SH3RF2: variants seen among roughly 807,000 people sequenced by gnomAD.
SH3RF2 encodes the protein SH3 domain containing ring finger 2.
SH3RF2 carries 43 observed loss-of-function variants against 59.0 expected under a neutral mutation model. The ratio of observed to expected loss-of-function variants is 0.73; its 90% CI spans 0.57 to 0.94. SH3RF2 has a LOEUF of 0.94. Ranked by LOEUF, SH3RF2 falls within the 40% of genes least tolerant of loss-of-function variation. The pLI, the probability that SH3RF2 is intolerant of heterozygous loss-of-function variation, is 0.00. For missense variants in SH3RF2, 930 were observed against 940.1 expected (o/e 0.99, Z 0.14); for synonymous variants, 391 against 391.5 (o/e 1.00, Z 0.01).
chr5:145,977,187 C>A (rs1759326800), intron 2 of SH3RF2, among the ~76,000 whole-genome samples: 1 of 152,208 alleles, frequency 6.6e-6, no homozygotes, highest in Non-Finnish European at 1.5e-5. Context: ...TTTTCTTAGG[C>A]CCGACTACCT....
chr5:146,057,231 A>G (rs540782519), intron 8 of SH3RF2, among the ~76,000 whole-genome samples: 5 of 152,204 alleles, frequency 3.3e-5, no homozygotes, highest in Non-Finnish European at 5.9e-5. Context: ...GAAAGCACAT[A>G]TCTTAGCTTC....
chr5:146,070,018 G>A (rs1229766170), intron 9 of SH3RF2, among the ~76,000 whole-genome samples: 1 of 148,406 alleles, frequency 6.7e-6, no homozygotes, highest in African/African-American at 2.5e-5. Flanking sequence ...TCCTCATCCA[G>A]CAATAATTGC....
At chr5:146,068,419 G>A (rs1043892167) in intron 9 of SH3RF2, among the ~76,000 whole-genome samples, 4 of 152,156 alleles carry the variant, frequency 2.6e-5, no homozygotes, top group East Asian at 1.9e-4. Flanking sequence ...AGCAGCTGCC[G>A]CCACTGATGC....
chr5:146,059,021 A>G lies in SH3RF2; in HGVS notation c.1556-845A>G, dbSNP rs150517074. 1.4e-3 allele frequency among the ~76,000 whole-genome samples: 217 copies of G among 152,332 alleles called. 1 individual carries two copies. Among genetic ancestry groups the G allele is most frequent in the African/African-American group, 4.9e-3 (202 of 41,572 alleles). On this transcript the variant is annotated intron_variant, in intron 8 of 9. Coordinates refer to ENST00000359120, the MANE Select transcript of SH3RF2 (RefSeq NM_152550.4). ...CGGCATTTATCATATTCCAGGCACT[A>G]TCCTGATACTTTGCACACCAAATAG...
At chr5:145,990,371 G>C (rs1759886429) in intron 2 of SH3RF2, among the ~76,000 whole-genome samples, 1 of 152,182 alleles carries the variant, frequency 6.6e-6, no homozygotes, top group African/African-American at 2.4e-5. Context: ...CTCAGTATCT[G>C]TATATCAAAT....
Position 145,937,890 on chromosome 5 carries a change from C to T in SH3RF2, c.-39C>T, listed in dbSNP as rs1351112667. On this transcript the variant is annotated 5_prime_UTR_variant, in exon 2 of 10. It adds an upstream start codon to the 5' untranslated region. Transcript: ENST00000359120. ...GGCTCAACTGACCCTACCATGTGGA[C>T]GCTGCTCCTCCAGGTGGGAACTGGA... 1.3e-6 allele frequency: 2 copies of T among 1,578,904 alleles called. No homozygotes were observed. The highest frequency in any genetic ancestry group is 1.7e-5 in the Admixed American group (1 of 57,824).
At chr5:145,963,925 C>T (rs1758743469) in intron 2 of SH3RF2, among the ~76,000 whole-genome samples, 2 of 151,604 alleles carry the variant, frequency 1.3e-5, no homozygotes, top group Admixed American at 6.6e-5. Flanking sequence ...CTCCGCCTCC[C>T]GGATTCACGC....
chr5:145,938,758 C>T (rs1470208471), intron 2 of SH3RF2, among the ~76,000 whole-genome samples: 2 of 152,172 alleles, frequency 1.3e-5, no homozygotes, highest in Non-Finnish European at 2.9e-5. Context: ...TCCATCTTCC[C>T]ACCCCTAGTC....
chr5:146,038,182 T>G (rs1762008426), intron 5 of SH3RF2, among the ~76,000 whole-genome samples: 1 of 152,226 alleles, frequency 6.6e-6, no homozygotes, highest in South Asian at 2.1e-4. Flanking sequence ...GAAACTTACT[T>G]AATGTGATTA....
rs768293378 is a variant in SH3RF2 at position 146,062,743 on chromosome 5, C to T, written c.*42C>T. ...TCCTAGACCCCAAAGAGGTGAATTG[C>T]ATTTAAATACAGTCTGCCTCCACTG... On this transcript the variant is annotated 3_prime_UTR_variant, in exon 10 of 10. Transcript: ENST00000359120. 2.5e-6 allele frequency: 4 copies of T among 1,580,140 alleles called. No homozygotes were observed. The highest frequency in any genetic ancestry group is 3.4e-6 in the Non-Finnish European group (4 of 1,160,462).
chr5:146,018,589 G>A (rs1268074064), intron 5 of SH3RF2, among the ~76,000 whole-genome samples: 1 of 151,940 alleles, frequency 6.6e-6, no homozygotes, highest in Non-Finnish European at 1.5e-5. Context: ...GAATTGTGTT[G>A]TGATAAACAT....
chr5:145,984,069 T>A (rs1449761477), intron 2 of SH3RF2, among the ~76,000 whole-genome samples: 2 of 152,106 alleles, frequency 1.3e-5, no homozygotes, highest in East Asian at 3.8e-4. Context: ...GATTTACTCT[T>A]CCATTTGTTT....
chr5:145,965,341 T>G (rs1758817748), intron 2 of SH3RF2, among the ~76,000 whole-genome samples: 1 of 152,212 alleles, frequency 6.6e-6, no homozygotes, highest in Non-Finnish European at 1.5e-5. Flanking sequence ...AGGTAGTCAC[T>G]AAGTGAAGAG....
chr5:146,056,218 G>A lies in SH3RF2; in HGVS notation c.1555+5G>A, dbSNP rs781515991. 6.2e-7 allele frequency: 1 copy of A among 1,614,206 alleles called. No individual in the cohort carries two copies. Among genetic ancestry groups the A allele is most frequent in the Non-Finnish European group, 8.5e-7 (1 of 1,180,052 alleles). On this transcript the variant is annotated splice_donor_5th_base_variant and intron_variant, in intron 8 of 9. Coordinates refer to ENST00000359120, the MANE Select transcript of SH3RF2 (RefSeq NM_152550.4). ...GGCGGAGCAGCATGAGAAAGAGTAA[G>A]TGGTGGCAGAGAGGTACGTGCCTAG...
chr5:145,968,072 T>C (rs1758932352), intron 2 of SH3RF2, among the ~76,000 whole-genome samples: 1 of 150,478 alleles, frequency 6.6e-6, no homozygotes, highest in South Asian at 2.1e-4. Flanking sequence ...TATTTGCCTA[T>C]GTATAGTTTC....
intron 2 of SH3RF2, among the ~76,000 whole-genome samples, chr5:145,971,291 A>C (rs1759071111): frequency 6.6e-6 from 1 of 152,206 alleles, no homozygotes; most frequent in African/African-American, 2.4e-5. Context: ...ATGATGCAAC[A>C]AGCCAATAAC....
intron 2 of SH3RF2, 64 bp from the exon 3 acceptor site, chr5:145,999,994 T>C: frequency 6.4e-7 from 1 of 1,553,650 alleles, no homozygotes; most frequent in South Asian, 1.3e-5. Context: ...GGGGGAATGC[T>C]TGTATCTTCT....
At chr5:145,987,884 T>C (rs1481573554) in intron 2 of SH3RF2, among the ~76,000 whole-genome samples, 1 of 152,224 alleles carries the variant, frequency 6.6e-6, no homozygotes, top group Non-Finnish European at 1.5e-5. Context: ...CTAAGTATTC[T>C]ACATTGTTTA....
downstream of SH3RF2, among the ~76,000 whole-genome samples, chr5:146,065,908 T>A (rs1296578472): frequency 6.6e-6 from 1 of 152,222 alleles, no homozygotes; most frequent in Non-Finnish European, 1.5e-5. Flanking sequence ...CCTCATGCCT[T>A]GGCATCCCAA....
Sources: allele counts gnomAD v4.1 joint callset (sites outside exome capture counted in the v4.1 genomes callset), GRCh38; gene constraint gnomAD v4.1.1; transcripts MANE v1.5; gene names NCBI Gene and HGNC (gene_info 2026-07-23, HGNC 2026-07-21).